The following TCF7L2 variants were observed in gnomAD, a reference collection of about 807,000 sequenced individuals.
TCF7L2 encodes the protein transcription factor 7 like 2, also known as transcription factor 7-like 2.
A neutral mutation model predicts 77.9 loss-of-function variants in TCF7L2; 23 were observed. That is an observed-to-expected ratio of 0.30 (90% confidence interval 0.21 to 0.42). TCF7L2 has a LOEUF of 0.42. TCF7L2 is among the 10% of genes least tolerant of loss of function. TCF7L2 has a pLI of 1.00. For missense variants in TCF7L2, 654 were observed against 793.1 expected (o/e 0.82, Z 2.11); for synonymous variants, 413 against 340.2 (o/e 1.21, Z -2.36).
At chr10:113,057,925 G>T (rs1406283122) in intron 5 of TCF7L2, among the ~76,000 whole-genome samples, 1 of 152,224 alleles carries the variant, frequency 6.6e-6, no homozygotes, top group Non-Finnish European at 1.5e-5. Flanking sequence ...GAGGGACCAG[G>T]CTGGGGGCTG....
chr10:113,147,056 A>G (rs1223456079), intron 8 of TCF7L2, among the ~76,000 whole-genome samples: 1 of 152,200 alleles, frequency 6.6e-6, no homozygotes, highest in Non-Finnish European at 1.5e-5. Flanking sequence ...TTTATTTACA[A>G]ACTGGTTGGC....
chr10:112,952,876 T>G (rs1011665797), intron 3 of TCF7L2, among the ~76,000 whole-genome samples: 3 of 76,194 alleles, frequency 3.9e-5, no homozygotes, highest in Admixed American at 3.0e-4. Flanking sequence ...TCCTCATCCC[T>G]CCCTCCCTCT....
intron 3 of TCF7L2, 102 bp downstream of exon 3, chr10:112,951,709 T>A: frequency 8.2e-6 from 3 of 364,340 alleles, no homozygotes; most frequent in Non-Finnish European, 9.6e-6. Flanking sequence ...CGCCTCCCCC[T>A]CCCCGCCTCC....
rs913444173 is a variant in TCF7L2 at position 113,050,238 on chromosome 10, G to A, written c.552+10112G>A. ...TTGTCTTCCTGCTCTGAGGGCACAAGCTGCTTGTTTCTCTCACAAGGACAC... is the reference window on the plus strand; with the variant it reads ...TTGTCTTCCTGCTCTGAGGGCACAAACTGCTTGTTTCTCTCACAAGGACAC... On this transcript the variant is annotated intron_variant, in intron 5 of 13. Transcript: ENST00000627217. 2.0e-5 allele frequency among the ~76,000 whole-genome samples: 3 copies of A among 152,206 alleles called. No homozygotes were observed. The South Asian group carries it at 6.2e-4, about 32-fold the overall frequency.
At chr10:113,109,194 G>C (rs1191898344) in intron 5 of TCF7L2, among the ~76,000 whole-genome samples, 2 of 152,172 alleles carry the variant, frequency 1.3e-5, no homozygotes, top group African/African-American at 4.8e-5. Flanking sequence ...ACTTGAAGGG[G>C]ATTTAGCCAT....
In TCF7L2 at chr10:113,167,481, G is replaced by A. The variant is rs1206271968; in HGVS notation, c.*1509G>A. The A allele has an allele frequency of 9.0e-6, 2 of 221,152 alleles. No homozygotes were observed. Among genetic ancestry groups the A allele is most frequent in the African/African-American group, 4.5e-5 (2 of 44,620 alleles). 13.7% of individuals were successfully genotyped at this position (221,152 alleles called of 1,614,324 possible). On this transcript the variant is annotated 3_prime_UTR_variant, in exon 14 of 14. Coordinates refer to ENST00000627217, the MANE Select transcript of TCF7L2 (RefSeq NM_001146274.2). Reference sequence around the variant, plus strand: ...CGATTTTTCTCTGGTTTATTAAAATGCTAACTATAACATTTTTTGTGAATA... The same window carrying A: ...CGATTTTTCTCTGGTTTATTAAAATACTAACTATAACATTTTTTGTGAATA...
At chr10:113,065,191 AG>A (rs1451420344) in intron 5 of TCF7L2, among the ~76,000 whole-genome samples, 1 of 152,238 alleles carries the variant, frequency 6.6e-6, no homozygotes, top group African/African-American at 2.4e-5. Context: ...CAAGGTGTTT[AG>A]TGTGGCCTAT....
Position 113,167,545 on chromosome 10 carries a change from G to T in TCF7L2, c.*1573G>T. 4.7e-6 allele frequency: 1 copy of T among 212,898 alleles called. No individual in the cohort carries two copies. The allele number at this position is 212,898 out of a possible 1,614,324, so 13.2% of individuals were successfully genotyped here. A position where few individuals can be genotyped will look rare whatever the true frequency, so the allele number is the denominator to read the frequency against. ...CTAACAGTTGTGATGTTACTGTTCC[G>T]TTTTATGCTCTTATTCCAAGTTCAT... is the stretch of plus-strand genomic sequence containing the variant. On this transcript the variant is annotated 3_prime_UTR_variant, in exon 14 of 14. Coordinates refer to ENST00000627217, the MANE Select transcript of TCF7L2 (RefSeq NM_001146274.2).
At chr10:113,075,400 A>T (rs1365354588) in intron 5 of TCF7L2, among the ~76,000 whole-genome samples, 1 of 151,982 alleles carries the variant, frequency 6.6e-6, no homozygotes, top group Non-Finnish European at 1.5e-5. Flanking sequence ...TGGAGTTTAC[A>T]GTGAGCTGAG....
At chr10:112,957,036 A>C (rs752074373) in intron 3 of TCF7L2, among the ~76,000 whole-genome samples, 1 of 152,136 alleles carries the variant, frequency 6.6e-6, no homozygotes, top group Admixed American at 6.5e-5. Flanking sequence ...ATACACATTT[A>C]TAAAGAGCAC....
At chr10:113,104,836 G>A (rs1339374000) in intron 5 of TCF7L2, among the ~76,000 whole-genome samples, 1 of 152,180 alleles carries the variant, frequency 6.6e-6, no homozygotes, top group African/African-American at 2.4e-5. Flanking sequence ...AGACAAGACA[G>A]TACCATCCCA....
intron 4 of TCF7L2, among the ~76,000 whole-genome samples, chr10:112,983,020 A>G (rs2040764875): frequency 6.6e-6 from 1 of 152,170 alleles, no homozygotes; most frequent in Non-Finnish European, 1.5e-5. Context: ...TGGGGGTGAG[A>G]TGGGACTTAT....
intron 5 of TCF7L2, among the ~76,000 whole-genome samples, chr10:113,101,290 A>C (rs1273207295): frequency 6.6e-6 from 1 of 152,070 alleles, no homozygotes; most frequent in South Asian, 2.1e-4. Flanking sequence ...GTTCAGGCCT[A>C]TATTGTCAGG....
At position 113,001,520 on chromosome 10, in the gene TCF7L2, T is replaced by C. The variant is rs76255514; in HGVS notation, c.450+36896T>C. ...CAATCATTAAGTGGATTTTTTTTTT[T>C]CCCTTCTCTTCTTTTGGTTTGGAGG... On this transcript the variant is annotated intron_variant, in intron 4 of 13. Coordinates refer to ENST00000627217, the MANE Select transcript of TCF7L2 (RefSeq NM_001146274.2). Among the ~76,000 whole-genome samples, 426 of 152,200 alleles carry C rather than the reference T, an allele frequency of 2.8e-3. 10 individuals are homozygous for C. In the East Asian group the frequency reaches 0.065, roughly 23 times the overall value.
chr10:113,164,474 C>T (rs186920521), intron 13 of TCF7L2, among the ~76,000 whole-genome samples: 20 of 152,198 alleles, frequency 1.3e-4, no homozygotes, highest in African/African-American at 4.6e-4. Context: ...TTGTGCTGCA[C>T]CCTCCATTGA....
In TCF7L2 at chr10:113,076,093, G is replaced by A. The variant is rs189213387; in HGVS notation, c.552+35967G>A. Among the ~76,000 whole-genome samples, 24 of 131,094 alleles carry A rather than the reference G, an allele frequency of 1.8e-4. No individual in the cohort carries two copies. In the East Asian group the frequency reaches 4.9e-3, roughly 27 times the overall value. 86.0% of individuals were successfully genotyped at this position (131,094 alleles called of 152,430 possible). A position where few individuals can be genotyped will look rare whatever the true frequency, so the allele number is the denominator to read the frequency against. On this transcript the variant is annotated intron_variant, in intron 5 of 13. Transcript: ENST00000627217. ...GAAGGTTGTAGTGAGCCGAAATCAC[G>A]CCACTGCACTCCAGCGTAGGCAACA...
At position 113,141,280 on chromosome 10, in the gene TCF7L2, C is replaced by T. The variant is rs2136841284; in HGVS notation, c.649C>T (p.Pro217Ser). The T allele has an allele frequency of 6.2e-7, 1 of 1,614,206 alleles. No individual in the cohort carries two copies. ...TGAACACTTCACGCCGGGAAACCCA[C>T]CTCCACACTTACCAGCCGACGTAGA... is the stretch of plus-strand genomic sequence containing the variant. The change falls in exon 6 of 14, where the codon CCT (proline) becomes TCT (serine). Residue 217 changes from proline (P) to serine (S), a missense_variant. Around this residue, in one of 6 missense-constraint regions of TCF7L2, gnomAD observed 179 missense variants for 270.6 expected, o/e 0.66. Transcript: ENST00000627217.
At chr10:113,049,564 C>T (rs2054053623) in intron 5 of TCF7L2, among the ~76,000 whole-genome samples, 1 of 152,096 alleles carries the variant, frequency 6.6e-6, no homozygotes, top group African/African-American at 2.4e-5. Context: ...GCCAGAGTGT[C>T]TTTGCTGGTC....
chr10:112,955,368 T>C (rs1297904237), intron 3 of TCF7L2, among the ~76,000 whole-genome samples: 1 of 152,182 alleles, frequency 6.6e-6, no homozygotes, highest in African/African-American at 2.4e-5. Context: ...TGCTAATCTT[T>C]ATAGGTTGGG....
Sources: allele counts gnomAD v4.1 joint callset (sites outside exome capture counted in the v4.1 genomes callset), GRCh38; gene constraint gnomAD v4.1.1; regional missense constraint gnomAD v4.1.1; transcripts MANE v1.5; gene names NCBI Gene and HGNC (gene_info 2026-07-23, HGNC 2026-07-21).